HERC4: variants seen among roughly 807,000 people sequenced by gnomAD.
HERC4 encodes probable E3 ubiquitin-protein ligase HERC4.
A neutral mutation model predicts 124.3 loss-of-function variants in HERC4; 28 were observed. That is an observed-to-expected ratio of 0.23 (90% confidence interval 0.17 to 0.31). The LOEUF (loss-of-function observed/expected upper bound fraction) is 0.31, where lower values mean the gene tolerates loss of function less well. HERC4 is among the 10% of genes least tolerant of loss of function. The pLI is 1.00. For synonymous variants in HERC4, 407 were observed against 421.5 expected (o/e 0.97, Z 0.42); for missense variants, 713 against 1,229.3 (o/e 0.58, Z 6.28).
chr10:68,002,981 TA>T (rs1326080531), intron 9 of HERC4, among the ~76,000 whole-genome samples: 1 of 152,094 alleles, frequency 6.6e-6, no homozygotes, highest in East Asian at 1.9e-4. Context: ...ATACAGTGTA[TA>T]AAAATCACAT....
Position 67,941,036 on chromosome 10 carries a change from T to A in HERC4, c.2407A>T (p.Ile803Phe), listed in dbSNP as rs759253572. 3 of 1,611,278 alleles carry A rather than the reference T, an allele frequency of 1.9e-6. No homozygotes were observed. Among genetic ancestry groups the A allele is most frequent in the Non-Finnish European group, 2.5e-6 (3 of 1,178,592 alleles). Residue 803 changes from isoleucine to phenylalanine, a missense_variant, in exon 20 of 25, where the codon ATT becomes TTT. Transcript: ENST00000373700. ...ICGLAIYNCT[I>F]VDLHFPLALY... is the part of the protein sequence containing the mutation. The stretch of plus-strand genomic sequence containing the variant: ...GCCAAAGGAAAATGGAGGTCCACAA[T>A]GGTACAATTATAAATTGCTAAGCCA...
intron 4 of HERC4, chr10:68,039,955 C>T (rs2039678486): frequency 1.8e-5 from 15 of 825,290 alleles, no homozygotes; most frequent in East Asian, 1.2e-4. Flanking sequence ...GAGCATTTAT[C>T]GCTACTAACC....
At chr10:68,064,970 C>CAA (rs773557069) in intron 3 of HERC4, among the ~76,000 whole-genome samples, 3 of 96,268 alleles carry the variant, frequency 3.1e-5, no homozygotes, top group African/African-American at 3.9e-5. Flanking sequence ...GGCTCCATCT[C>CAA]AAAAAAAAAA....
At chr10:67,966,948 G>C (rs573006348) in intron 15 of HERC4, 146 bp from the exon 16 acceptor site, 1 of 477,390 alleles carries the variant, frequency 2.1e-6, no homozygotes, top group East Asian at 4.8e-5. Flanking sequence ...TCTGCCTCCC[G>C]GGTTCACGCC....
At chr10:68,058,542 T>C (rs2040669865) in intron 3 of HERC4, among the ~76,000 whole-genome samples, 1 of 152,204 alleles carries the variant, frequency 6.6e-6, no homozygotes, top group Non-Finnish European at 1.5e-5. Context: ...GGCAAACACT[T>C]ATTGAATACT....
At chr10:68,014,724 G>A (rs890410743) in intron 8 of HERC4, among the ~76,000 whole-genome samples, 2 of 152,142 alleles carry the variant, frequency 1.3e-5, no homozygotes, top group South Asian at 2.1e-4. Context: ...TCCTCTGGAG[G>A]TACTACAGTG....
At chr10:68,021,525 A>T (rs955207480) in intron 8 of HERC4, among the ~76,000 whole-genome samples, 1 of 152,084 alleles carries the variant, frequency 6.6e-6, no homozygotes, top group Non-Finnish European at 1.5e-5. Flanking sequence ...TAAGAAATAA[A>T]ATGCTGCGTG....
intron 21 of HERC4, among the ~76,000 whole-genome samples, chr10:67,938,256 C>T (rs10997884): frequency 0.47 from 70,929 of 151,036 alleles, 20,630 homozygotes; most frequent in Non-Finnish European, 0.66. Context: ...TCCTGGCCAA[C>T]ATGGTGAAAC....
At chr10:67,970,371 C>A (rs922524148) in intron 15 of HERC4, among the ~76,000 whole-genome samples, 4 of 152,072 alleles carry the variant, frequency 2.6e-5, no homozygotes, top group African/African-American at 9.7e-5. Context: ...GCAGGTGGAT[C>A]ACCTGAAGTC....
intron 3 of HERC4, among the ~76,000 whole-genome samples, chr10:68,048,045 G>A (rs1177004992): frequency 6.6e-6 from 1 of 151,256 alleles, no homozygotes; most frequent in Non-Finnish European, 1.5e-5. Flanking sequence ...CAGCCTCCAG[G>A]GTAGCTGGGA....
At chr10:68,058,430 G>A (rs777471744) in intron 3 of HERC4, among the ~76,000 whole-genome samples, 36 of 152,070 alleles carry the variant, frequency 2.4e-4, no homozygotes, top group Non-Finnish European at 4.7e-4. Flanking sequence ...TTCCCTACAG[G>A]ACAATATACA....
At chr10:68,014,887 G>A (rs1438837765) in intron 8 of HERC4, among the ~76,000 whole-genome samples, 1 of 152,146 alleles carries the variant, frequency 6.6e-6, no homozygotes, top group Non-Finnish European at 1.5e-5. Context: ...TTACTGAGGG[G>A]ACATGGCATC....
chr10:68,038,743 T>A (rs1217986900), intron 4 of HERC4, among the ~76,000 whole-genome samples: 2 of 152,222 alleles, frequency 1.3e-5, no homozygotes, highest in African/African-American at 2.4e-5. Flanking sequence ...GGAAATTTAC[T>A]CAATTCACAG....
At chr10:68,003,328 A>ATTTTTTTTT (rs34287961) in intron 9 of HERC4, among the ~76,000 whole-genome samples, 1 of 130,840 alleles carries the variant, frequency 7.6e-6, no homozygotes, top group Non-Finnish European at 1.6e-5. Context: ...TGCCTGACTA[A>ATTTTTTTTT]TTTTTTTTTT....
rs930800687 is a variant in HERC4 at position 68,001,422 on chromosome 10, T to C, written c.1070-8740A>G. Reference sequence around the variant, plus strand: ...TTACCCATGGCACTGGCCACACAGATAGTTTATGATTAAAATGTTAATTCA... The same window carrying C: ...TTACCCATGGCACTGGCCACACAGACAGTTTATGATTAAAATGTTAATTCA... On this transcript the variant is annotated intron_variant, in intron 9 of 24. Coordinates refer to ENST00000373700, the MANE Select transcript of HERC4 (RefSeq NM_015601.4). Among the ~76,000 whole-genome samples, 4 of 152,006 alleles carry C rather than the reference T, an allele frequency of 2.6e-5. No homozygotes were observed. The East Asian group carries it at 5.8e-4, about 22-fold the overall frequency.
intron 9 of HERC4, among the ~76,000 whole-genome samples, chr10:68,005,213 GT>G (rs2037468070): frequency 6.6e-6 from 1 of 151,978 alleles, no homozygotes; most frequent in Non-Finnish European, 1.5e-5. Flanking sequence ...GTATATCTGG[GT>G]TTTCTAGTGT....
intron 3 of HERC4, among the ~76,000 whole-genome samples, chr10:68,047,439 A>G (rs992231237): frequency 6.6e-6 from 1 of 152,226 alleles, no homozygotes. Context: ...AAGACAAGCC[A>G]TAGCCCAGGG....
At chr10:68,059,870 TATA>T (rs1214104931) in intron 3 of HERC4, among the ~76,000 whole-genome samples, 859 of 70,260 alleles carry the variant, frequency 0.012, 101 homozygotes, top group Non-Finnish European at 0.014. Context: ...TATTATATAT[TATA>T]ATAATATTAT....
At chr10:67,998,161 T>A (rs954154678) in intron 9 of HERC4, among the ~76,000 whole-genome samples, 4 of 151,750 alleles carry the variant, frequency 2.6e-5, no homozygotes, top group Non-Finnish European at 5.9e-5. Flanking sequence ...CCTCCCAAAG[T>A]GCTGGGATTA....
Sources: allele counts gnomAD v4.1 joint callset (sites outside exome capture counted in the v4.1 genomes callset), GRCh38; gene constraint gnomAD v4.1.1; transcripts MANE v1.5; gene names NCBI Gene and HGNC (gene_info 2026-07-23, HGNC 2026-07-21).